KIF26B: variants seen among roughly 807,000 people sequenced by gnomAD.
KIF26B encodes the protein kinesin-like protein KIF26B.
KIF26B carries 63 observed loss-of-function variants against 151.2 expected under a neutral mutation model. That is an observed-to-expected ratio of 0.42 (90% confidence interval 0.34 to 0.51). The LOEUF is 0.51. Among genes scored for constraint, KIF26B ranks in the 20% least tolerant of loss-of-function variants. The pLI is 0.07. For synonymous variants in KIF26B, 1,357 were observed against 1,262.1 expected (o/e 1.08, Z -1.59); for missense variants, 2,813 against 2,913.6 (o/e 0.97, Z 0.79).
chr1:245,280,597 GTT>G (rs74163033), intron 2 of KIF26B, among the ~76,000 whole-genome samples: 2,778 of 104,336 alleles, frequency 0.027, 35 homozygotes, highest in Middle Eastern at 0.039. Context: ...GGAAGTTTTC[GTT>G]TTTTTTTTTT....
At chr1:245,248,593 T>A (rs528308251) in intron 2 of KIF26B, among the ~76,000 whole-genome samples, 1 of 152,368 alleles carries the variant, frequency 6.6e-6, no homozygotes, top group East Asian at 1.9e-4. Flanking sequence ...CGCCAAGAAC[T>A]AAATCGTAAT....
chr1:245,707,187 G>A lies in KIF26B; in HGVS notation c.*4581G>A, dbSNP rs542286189. 2 of 152,250 alleles carry A rather than the reference G, an allele frequency of 1.3e-5. No individual in the cohort carries two copies. The highest frequency in any genetic ancestry group is 4.8e-5 in the African/African-American group (2 of 41,544). The allele number at this position is 152,250 out of a possible 1,614,324, so 9.4% of individuals were successfully genotyped here. On this transcript the variant is annotated 3_prime_UTR_variant, in exon 15 of 15. Coordinates refer to ENST00000407071, the MANE Select transcript of KIF26B (RefSeq NM_018012.4). ...AAACAAACACATTCTGCTTTTGGGT[G>A]GCCCTACCCAGAACCTGCAGCAATG...
At position 245,438,397 on chromosome 1, in the gene KIF26B, G is replaced by A. The variant is rs73132075; in HGVS notation, c.1166+18652G>A. 1.4e-3 allele frequency among the ~76,000 whole-genome samples: 206 copies of A among 152,214 alleles called. 1 individual carries two copies. The highest frequency in any genetic ancestry group is 4.5e-3 in the African/African-American group (187 of 41,536). On this transcript the variant is annotated intron_variant, in intron 4 of 14. Coordinates refer to ENST00000407071, the MANE Select transcript of KIF26B (RefSeq NM_018012.4). ...CTTCATCTTGTTCTTTGAGAACTACGTTTACTTTCTTTGAGAAAATGCATA... is the reference window on the plus strand; with the variant it reads ...CTTCATCTTGTTCTTTGAGAACTACATTTACTTTCTTTGAGAAAATGCATA...
chr1:245,581,623 CATT>C (rs2043175457), intron 5 of KIF26B, among the ~76,000 whole-genome samples: 4 of 152,160 alleles, frequency 2.6e-5, no homozygotes, highest in Non-Finnish European at 5.9e-5. Flanking sequence ...ACCACAGCCT[CATT>C]AACACATGCT....
intron 2 of KIF26B, among the ~76,000 whole-genome samples, chr1:245,295,522 C>T (rs1671321806): frequency 6.6e-6 from 1 of 152,162 alleles, no homozygotes; most frequent in Non-Finnish European, 1.5e-5. Flanking sequence ...ATCATAATCC[C>T]TGCCTCTCAA....
intron 2 of KIF26B, among the ~76,000 whole-genome samples, chr1:245,190,399 C>T (rs1285147517): frequency 6.6e-6 from 1 of 152,076 alleles, no homozygotes; most frequent in Non-Finnish European, 1.5e-5. Context: ...ACACTGGCTG[C>T]AGGGTCTTTA....
At chr1:245,391,830 A>G (rs911101936) in intron 3 of KIF26B, among the ~76,000 whole-genome samples, 1 of 152,158 alleles carries the variant, frequency 6.6e-6, no homozygotes, top group Non-Finnish European at 1.5e-5. Flanking sequence ...GTTTTCATTT[A>G]ATTTCTAGTA....
intron 3 of KIF26B, among the ~76,000 whole-genome samples, chr1:245,390,336 T>G (rs922679456): frequency 6.6e-6 from 1 of 151,902 alleles, no homozygotes; most frequent in Non-Finnish European, 1.5e-5. Context: ...TCCTGCCTCA[T>G]CCTCCTGAGT....
intron 5 of KIF26B, among the ~76,000 whole-genome samples, chr1:245,547,728 C>T (rs539786590): frequency 6.6e-6 from 1 of 152,076 alleles, no homozygotes; most frequent in East Asian, 1.9e-4. Flanking sequence ...GTAAGCAGCA[C>T]ATTTTGGTTT....
At chr1:245,222,768 C>T (rs531364865) in intron 2 of KIF26B, among the ~76,000 whole-genome samples, 6 of 152,180 alleles carry the variant, frequency 3.9e-5, no homozygotes, top group Middle Eastern at 3.4e-3. Flanking sequence ...ACCCCCAAAT[C>T]GACAAATTGT....
At chr1:245,199,826 TCCATCCATCCATCCATCCAC>T (rs962432340) in intron 2 of KIF26B, among the ~76,000 whole-genome samples, 2 of 24,882 alleles carry the variant, frequency 8.0e-5, no homozygotes, top group Admixed American at 1.1e-3. Context: ...CATCCATCCA[TCCATCCATCCATCCATCCAC>T]CCATCCACTT....
At chr1:245,233,696 TTCTC>T (rs1553337164) in intron 2 of KIF26B, among the ~76,000 whole-genome samples, 3 of 152,244 alleles carry the variant, frequency 2.0e-5, no homozygotes, top group South Asian at 2.1e-4. Flanking sequence ...AAATCTCATG[TTCTC>T]TCTGTCATAA....
intron 2 of KIF26B, among the ~76,000 whole-genome samples, chr1:245,261,495 CTCTCT>C (rs1670641754): frequency 2.2e-4 from 25 of 114,094 alleles, no homozygotes; most frequent in Admixed American, 4.2e-4. Context: ...CTCTCTCTCT[CTCTCT>C]CTCCCTCCCT....
chr1:245,695,544 G>A (rs116738046), intron 12 of KIF26B, among the ~76,000 whole-genome samples: 55 of 152,256 alleles, frequency 3.6e-4, no homozygotes, highest in African/African-American at 1.3e-3. Context: ...TTGTTCATTC[G>A]TGTGCAGGAA....
At chr1:245,457,958 G>A (rs1432637893) in intron 4 of KIF26B, among the ~76,000 whole-genome samples, 2 of 152,170 alleles carry the variant, frequency 1.3e-5, no homozygotes, top group Non-Finnish European at 2.9e-5. Flanking sequence ...TTTCTAGAAA[G>A]AGCCAAATCA....
At chr1:245,438,026 A>G (rs1258295467) in intron 4 of KIF26B, among the ~76,000 whole-genome samples, 2 of 152,148 alleles carry the variant, frequency 1.3e-5, no homozygotes, top group East Asian at 3.8e-4. Flanking sequence ...TTTTACATAA[A>G]TTTTAAAACA....
chr1:245,437,010 C>T lies in KIF26B; in HGVS notation c.1166+17265C>T, dbSNP rs572120837. On this transcript the variant is annotated intron_variant, in intron 4 of 14. Coordinates refer to ENST00000407071, the MANE Select transcript of KIF26B (RefSeq NM_018012.4). ...CAAGTGATTCTCCTGCCTCAACCTC[C>T]CAAGTAGCTGGGATTACAGGCACGT... Among the ~76,000 whole-genome samples the T allele has an allele frequency of 1.8e-4, 28 of 151,706 alleles. 1 individual carries two copies. Among genetic ancestry groups the T allele is most frequent in the African/African-American group, 6.0e-4 (25 of 41,408 alleles).
In KIF26B at chr1:245,375,378, A is replaced by G. The variant is rs115515813; in HGVS notation, c.999+8011A>G. On this transcript the variant is annotated intron_variant, in intron 3 of 14. Coordinates refer to ENST00000407071, the MANE Select transcript of KIF26B (RefSeq NM_018012.4). This position sits in a 1 kb window ranked among gnomAD's most constrained non-coding sequence, Gnocchi z 4.2. The stretch of plus-strand genomic sequence containing the variant: ...AGGTATGAACCACCACATCCGGCCA[A>G]GGAGATCATTTTAGACTATCTGGGT... Among the ~76,000 whole-genome samples, 1,643 of 152,254 alleles carry G rather than the reference A, an allele frequency of 0.011. 26 individuals carry two copies. Among genetic ancestry groups the G allele is most frequent in the African/African-American group, 0.03 (1,231 of 41,550 alleles).
intron 5 of KIF26B, among the ~76,000 whole-genome samples, chr1:245,550,928 C>T (rs1489350173): frequency 6.6e-6 from 1 of 152,186 alleles, no homozygotes; most frequent in Non-Finnish European, 1.5e-5. Flanking sequence ...GGCCATGTGC[C>T]CCTTTCCCTC....
Sources: gnomAD v4.1 joint callset for allele counts (sites outside exome capture counted in the v4.1 genomes callset) on GRCh38, gnomAD v4.1.1 for gene constraint, Gnocchi (gnomAD v3.1) non-coding constraint, MANE v1.5 for transcripts, NCBI Gene and HGNC (gene_info 2026-07-23, HGNC 2026-07-21) for gene names.